Variants in STAG1 observed in about 807,000 individuals in gnomAD.
The protein encoded by STAG1 is STAG1 cohesin complex component.
A neutral mutation model predicts 170.9 loss-of-function variants in STAG1; 26 were observed. The ratio of observed to expected loss-of-function variants is 0.15; its 90% CI spans 0.11 to 0.21. STAG1 has a LOEUF of 0.21. Among genes scored for constraint, STAG1 ranks in the 10% least tolerant of loss-of-function variants. STAG1 has a pLI of 1.00. For missense variants in STAG1, 964 were observed against 1,509.5 expected (o/e 0.64, Z 5.99); for synonymous variants, 514 against 497.7 (o/e 1.03, Z -0.44).
intron 10 of STAG1, 73 bp downstream of exon 10, chr3:136,477,216 T>C (rs2089775420): frequency 6.8e-7 from 1 of 1,474,718 alleles, no homozygotes; most frequent in African/African-American, 1.4e-5. Flanking sequence ...TCAACTACTG[T>C]CATTTTGATT....
At chr3:136,613,434 T>C (rs1939418526) in intron 3 of STAG1, among the ~76,000 whole-genome samples, 1 of 152,062 alleles carries the variant, frequency 6.6e-6, no homozygotes, top group African/African-American at 2.4e-5. Context: ...TAGGATCTCA[T>C]TGTTGTCTTG....
chr3:136,476,502 C>T (rs933840976), intron 10 of STAG1, among the ~76,000 whole-genome samples: 9 of 152,092 alleles, frequency 5.9e-5, no homozygotes, highest in East Asian at 1.9e-4. Context: ...AAAAGTATTA[C>T]GTAACATGTA....
chr3:136,693,520 G>A (rs1488549345), intron 1 of STAG1, among the ~76,000 whole-genome samples: 5 of 152,176 alleles, frequency 3.3e-5, no homozygotes, highest in Admixed American at 3.3e-4. Flanking sequence ...CAGTGGGATG[G>A]CTGTTTACAT....
At chr3:136,666,407 G>A (rs953777507) in intron 1 of STAG1, among the ~76,000 whole-genome samples, 1 of 152,118 alleles carries the variant, frequency 6.6e-6, no homozygotes, top group African/African-American at 2.4e-5. Context: ...TAAATTTGTG[G>A]TAATTTACTG....
chr3:136,710,069 G>T (rs1307757547), intron 1 of STAG1, among the ~76,000 whole-genome samples: 3 of 152,124 alleles, frequency 2.0e-5, no homozygotes, highest in African/African-American at 7.2e-5. Flanking sequence ...TAAAAGGTGG[G>T]GAGGAGGGAT....
intron 22 of STAG1, among the ~76,000 whole-genome samples, chr3:136,398,354 G>C (rs13081893): frequency 3.3e-5 from 5 of 152,150 alleles, no homozygotes; most frequent in African/African-American, 1.2e-4. Context: ...CTGACCTCAA[G>C]TGATCTGCCT....
chr3:136,432,810 G>A (rs1411243953), intron 16 of STAG1, among the ~76,000 whole-genome samples: 3 of 152,132 alleles, frequency 2.0e-5, no homozygotes, highest in African/African-American at 7.2e-5. Context: ...CATTCTCTCT[G>A]ACAACAAAGC....
At chr3:136,416,844 CTTTTTT>C (rs66573534) in intron 21 of STAG1, among the ~76,000 whole-genome samples, 2 of 127,196 alleles carry the variant, frequency 1.6e-5, no homozygotes, top group African/African-American at 3.1e-5. Context: ...TCATAATTAA[CTTTTTT>C]TTTTTTTTTT....
At chr3:136,627,360 T>C (rs938112066) in intron 2 of STAG1, among the ~76,000 whole-genome samples, 2 of 152,206 alleles carry the variant, frequency 1.3e-5, no homozygotes, top group African/African-American at 4.8e-5. Context: ...CCACTGTTAA[T>C]AGTTTGACGC....
intron 1 of STAG1, among the ~76,000 whole-genome samples, chr3:136,712,667 T>C (rs541413508): frequency 3.3e-5 from 5 of 152,186 alleles, no homozygotes; most frequent in South Asian, 2.1e-4. Context: ...CATGCTGCTG[T>C]TGGAAGAAAA....
chr3:136,501,861 T>C (rs1933496761), intron 8 of STAG1, among the ~76,000 whole-genome samples: 1 of 152,124 alleles, frequency 6.6e-6, no homozygotes, highest in South Asian at 2.1e-4. Flanking sequence ...TATGTAGTAT[T>C]GGATAAATAA....
At chr3:136,478,816 T>C (rs1057140429) in intron 9 of STAG1, among the ~76,000 whole-genome samples, 33 of 152,142 alleles carry the variant, frequency 2.2e-4, no homozygotes, top group African/African-American at 7.2e-4. Context: ...TACAACATAG[T>C]GGCTAAAAGT....
At chr3:136,605,979 T>A (rs566468279) in intron 3 of STAG1, among the ~76,000 whole-genome samples, 1 of 152,314 alleles carries the variant, frequency 6.6e-6, no homozygotes, top group South Asian at 2.1e-4. Context: ...TAACCATTTC[T>A]GTGTGTGGAT....
intron 1 of STAG1, among the ~76,000 whole-genome samples, chr3:136,721,086 T>G (rs1014127306): frequency 8.5e-5 from 13 of 152,172 alleles, no homozygotes; most frequent in Non-Finnish European, 1.5e-4. Flanking sequence ...TGGAAGTGTA[T>G]AAAAGGTCAA....
At chr3:136,556,642 G>C (rs951545032) in intron 5 of STAG1, among the ~76,000 whole-genome samples, 2 of 151,796 alleles carry the variant, frequency 1.3e-5, no homozygotes, top group African/African-American at 4.8e-5. Flanking sequence ...GAGTACAATG[G>C]TGTGACCACA....
In STAG1 at chr3:136,706,850, G is replaced by A. The variant is rs184415505; in HGVS notation, c.-84+45345C>T. On this transcript the variant is annotated intron_variant, in intron 1 of 33. Transcript: ENST00000383202. ...AGGGAGTCAAAACAGTGTGGTATTC[G>A]CATAAGGACAGAAATATAGACCAAT... Among the ~76,000 whole-genome samples the A allele has an allele frequency of 5.9e-5, 9 of 152,220 alleles. No homozygotes were observed. The East Asian group carries it at 7.7e-4, about 13-fold the overall frequency.
rs1017418262 is a variant in STAG1, at chr3:136,360,275, G to A, written c.2788-979C>T. On this transcript the variant is annotated intron_variant, in intron 26 of 33. Transcript: ENST00000383202. ...CTCCTATGTATTAGATAAGAAGGGA[G>A]TATGTAAGGTTTCGCCTGCTCAATA... Among the ~76,000 whole-genome samples the A allele has an allele frequency of 2.9e-4, 44 of 152,278 alleles. 1 individual carries two copies. Among genetic ancestry groups the A allele is most frequent in the African/African-American group, 1.0e-3 (43 of 41,570 alleles).
chr3:136,750,114 T>C (rs1935153242), intron 1 of STAG1, among the ~76,000 whole-genome samples: 1 of 152,218 alleles, frequency 6.6e-6, no homozygotes. Flanking sequence ...AATTTTAAGT[T>C]ACAGCAATTA....
chr3:136,423,732 A>G (rs1257272796), intron 16 of STAG1, among the ~76,000 whole-genome samples: 1 of 152,234 alleles, frequency 6.6e-6, no homozygotes, highest in Non-Finnish European at 1.5e-5. Context: ...TTGCCATCAT[A>G]ATGTCAAATG....
Sources: allele counts gnomAD v4.1 joint callset (sites outside exome capture counted in the v4.1 genomes callset), GRCh38; gene constraint gnomAD v4.1.1; transcripts MANE v1.5; gene names NCBI Gene and HGNC (gene_info 2026-07-23, HGNC 2026-07-21).